FAT4: variants seen among roughly 807,000 people sequenced by gnomAD.
FAT4 encodes FAT atypical cadherin 4, also known as protocadherin Fat 4.
A neutral mutation model predicts 303.9 loss-of-function variants in FAT4; 84 were observed. The observed-to-expected ratio is 0.28, with a 90% CI of 0.23 to 0.33. FAT4 has a LOEUF of 0.33. Ranked by LOEUF, FAT4 falls within the 10% of genes least tolerant of loss-of-function variation. The pLI is 1.00. For synonymous variants in FAT4, 2,307 were observed against 2,298.8 expected (o/e 1.00, Z -0.10); for missense variants, 6,005 against 6,146.8 (o/e 0.98, Z 0.77).
intron 2 of FAT4, among the ~76,000 whole-genome samples, chr4:125,395,204 A>C (rs763895962): frequency 1.3e-5 from 2 of 152,206 alleles, no homozygotes; most frequent in Non-Finnish European, 2.9e-5. Context: ...CCATGCTGAA[A>C]GCTTTTCAGT....
At chr4:125,469,446 A>G (rs1578681241) in intron 12 of FAT4, among the ~76,000 whole-genome samples, 1 of 152,188 alleles carries the variant, frequency 6.6e-6, no homozygotes, top group African/African-American at 2.4e-5. Context: ...TTTGATTGAT[A>G]CCATTTTACC....
chr4:125,408,233 C>T (rs987851283), intron 4 of FAT4, among the ~76,000 whole-genome samples: 1 of 152,048 alleles, frequency 6.6e-6, no homozygotes, highest in Non-Finnish European at 1.5e-5. Context: ...AACCTGAGGT[C>T]CACTGGATAT....
chr4:125,378,117 T>A (rs1733402749), intron 2 of FAT4, among the ~76,000 whole-genome samples: 1 of 152,112 alleles, frequency 6.6e-6, no homozygotes, highest in South Asian at 2.1e-4. Context: ...TGCTCCAGAT[T>A]AACAGATGTC....
intron 7 of FAT4, among the ~76,000 whole-genome samples, chr4:125,417,274 G>A (rs1255457291): frequency 1.3e-5 from 2 of 152,102 alleles, no homozygotes; most frequent in Non-Finnish European, 2.9e-5. Context: ...CATGTAGATG[G>A]TTCCAACCAC....
intron 2 of FAT4, among the ~76,000 whole-genome samples, chr4:125,391,133 A>C (rs1284488111): frequency 6.6e-6 from 1 of 152,232 alleles, no homozygotes; most frequent in Admixed American, 6.5e-5. Flanking sequence ...ATCTAGAATC[A>C]GAAGTACCAT....
At chr4:125,475,400 C>T (rs1483733066) in intron 12 of FAT4, among the ~76,000 whole-genome samples, 2 of 152,114 alleles carry the variant, frequency 1.3e-5, no homozygotes, top group East Asian at 3.9e-4. Context: ...AAATTTATGA[C>T]TTTGTTTATC....
chr4:125,405,733 A>G (rs910094616), intron 3 of FAT4, among the ~76,000 whole-genome samples: 2 of 151,768 alleles, frequency 1.3e-5, no homozygotes, highest in African/African-American at 4.8e-5. Flanking sequence ...CGATCTCCTG[A>G]CCTCATGATC....
chr4:125,321,362 A>T lies in FAT4; in HGVS notation c.4951A>T (p.Ile1651Leu), dbSNP rs759785439. 2 of 1,614,178 alleles carry T rather than the reference A, an allele frequency of 1.2e-6. No homozygotes were observed. The highest frequency in any genetic ancestry group is 1.1e-5 in the South Asian group (1 of 91,078). The change falls in exon 2 of 18, where the codon ATA becomes TTA. Residue 1651 changes from isoleucine (I) to leucine (L), a missense_variant. Transcript: ENST00000394329. ...ACCCATTGGCACAAACGTGATATCA[A>T]TAGAAGCAGCTAGCCCCAGAGGATC... ...GEPIGTNVIS[I>L]EAASPRGSEA...
chr4:125,393,597 A>G (rs192488611), intron 2 of FAT4, among the ~76,000 whole-genome samples: 1 of 152,302 alleles, frequency 6.6e-6, no homozygotes, highest in Non-Finnish European at 1.5e-5. Context: ...CATATTATAA[A>G]AAAAAGAGAA....
At chr4:125,484,242 A>G (rs1380930474) in intron 16 of FAT4, among the ~76,000 whole-genome samples, 1 of 152,120 alleles carries the variant, frequency 6.6e-6, no homozygotes, top group African/African-American at 2.4e-5. Flanking sequence ...ATGTAGAATC[A>G]ATTGGGTCTA....
chr4:125,484,435 C>T (rs1173103952), intron 16 of FAT4, among the ~76,000 whole-genome samples: 2 of 151,982 alleles, frequency 1.3e-5, no homozygotes, highest in South Asian at 2.1e-4. Flanking sequence ...GACTTTATTT[C>T]TACTCTAAAT....
chr4:125,354,155 T>C (rs1244293678), intron 2 of FAT4, among the ~76,000 whole-genome samples: 1 of 151,784 alleles, frequency 6.6e-6, no homozygotes, highest in Non-Finnish European at 1.5e-5. Context: ...CTGCTATTAC[T>C]AAGATTATTT....
intron 2 of FAT4, among the ~76,000 whole-genome samples, chr4:125,353,257 T>C (rs1248142153): frequency 6.6e-6 from 1 of 151,796 alleles, no homozygotes; most frequent in Non-Finnish European, 1.5e-5. Context: ...CAGCATTTAC[T>C]GATGATAGTT....
intron 16 of FAT4, among the ~76,000 whole-genome samples, chr4:125,483,653 C>A (rs1320376868): frequency 1.3e-5 from 2 of 151,172 alleles, no homozygotes; most frequent in Admixed American, 6.6e-5. Flanking sequence ...AAAGTAAGTG[C>A]AAATTAATAA....
chr4:125,318,150 C>T lies in FAT4; in HGVS notation c.1739C>T (p.Pro580Leu), dbSNP rs1364918822. The T allele has an allele frequency of 3.7e-6, 6 of 1,614,018 alleles. No homozygotes were observed. The highest frequency in any genetic ancestry group is 5.1e-6 in the Non-Finnish European group (6 of 1,180,042). ...CTCCTAGATGTGAATGATGAAAAGCCAGTATTTAGCCAGCCAGAAGGGTAT... is the reference window on the plus strand; with the variant it reads ...CTCCTAGATGTGAATGATGAAAAGCTAGTATTTAGCCAGCCAGAAGGGTAT... ...VTLLDVNDEK[P>L]VFSQPEGYDV... Residue 580 changes from proline to leucine, a missense_variant, in exon 2 of 18, where the codon CCA becomes CTA. By Grantham distance (98) the Pro-to-Leu change is moderately conservative. Transcript: ENST00000394329.
At position 125,491,187 on chromosome 4, in the gene FAT4, A is replaced by G. The variant is rs751534442; in HGVS notation, c.14371A>G (p.Ile4791Val). Residue 4791 changes from isoleucine (I) to valine (V), a missense_variant, in exon 18 of 18, where the codon ATT (isoleucine) becomes GTT (valine). Ile to Val is a conservative substitution (Grantham distance 29). Coordinates refer to ENST00000394329, the MANE Select transcript of FAT4 (RefSeq NM_001291303.3). ...ATCTTCTCCTCCAGTCGGACTTTCT[A>G]TTGAAGAAGTGGAGAGGCTCAACAC... is the stretch of plus-strand genomic sequence containing the variant. ...LESSPPVGLS[I>V]EEVERLNTPR... 9.9e-6 allele frequency: 16 copies of G among 1,614,044 alleles called. No homozygotes were observed. Among genetic ancestry groups the G allele is most frequent in the Non-Finnish European group, 1.3e-5 (15 of 1,180,000 alleles).
rs1448926191 is a variant in FAT4 at position 125,415,257 on chromosome 4, T to C, written c.6294T>C (p.Ser2098=). The C allele has an allele frequency of 6.2e-7, 1 of 1,614,022 alleles. No individual in the cohort carries two copies. Among genetic ancestry groups the C allele is most frequent in the Non-Finnish European group, 8.5e-7 (1 of 1,179,988 alleles). Residue 2098 remains serine, a synonymous_variant, in exon 6 of 18, where the codon AGT becomes AGC. Transcript: ENST00000394329. ...TLLNPLGNKF[S]IGTIDGEVRL... is the part of the protein sequence containing the mutation. Reference sequence around the variant, plus strand: ...TGAACCCTTTGGGAAACAAGTTCAGTATTGGGACCATTGATGGTGAAGTGA... The same window carrying C: ...TGAACCCTTTGGGAAACAAGTTCAGCATTGGGACCATTGATGGTGAAGTGA...
At chr4:125,330,955 G>T (rs1039841747) in intron 2 of FAT4, among the ~76,000 whole-genome samples, 1 of 151,990 alleles carries the variant, frequency 6.6e-6, no homozygotes, top group Non-Finnish European at 1.5e-5. Context: ...AGAGCTCCAG[G>T]CCCCAGCCTC....
intron 2 of FAT4, among the ~76,000 whole-genome samples, chr4:125,394,561 C>A (rs1734096011): frequency 6.6e-6 from 1 of 152,084 alleles, no homozygotes; most frequent in African/African-American, 2.4e-5. Context: ...TTAAAGTGAT[C>A]TAAATTGTAT....
Sources: allele counts gnomAD v4.1 joint callset (sites outside exome capture counted in the v4.1 genomes callset), GRCh38; gene constraint gnomAD v4.1.1; transcripts MANE v1.5; gene names NCBI Gene and HGNC (gene_info 2026-07-23, HGNC 2026-07-21).